Variants in CASKIN1 observed in about 807,000 individuals in gnomAD.
CASKIN1 encodes caskin-1.
A neutral mutation model predicts 117.5 loss-of-function variants in CASKIN1; 42 were observed. The observed-to-expected ratio is 0.36, with a 90% CI of 0.28 to 0.46. CASKIN1 has a LOEUF of 0.46. Ranked by LOEUF, CASKIN1 falls within the 20% of genes least tolerant of loss-of-function variation. CASKIN1 has a pLI of 1.00. For missense variants in CASKIN1, 2,083 were observed against 2,077.3 expected, an observed-to-expected ratio of 1.00 and a Z score of -0.05; for synonymous variants, 1,148 against 961.7, an observed-to-expected ratio of 1.19 and a Z score of -3.59.
chr16:2,180,806 T>C lies in CASKIN1; in HGVS notation c.2562A>G (p.Pro854=). 7.2e-7 allele frequency: 1 copy of C among 1,396,584 alleles called. No homozygotes were observed. Among genetic ancestry groups the C allele is most frequent in the Non-Finnish European group, 9.2e-7 (1 of 1,083,906 alleles). The allele number at this position is 1,396,584 out of a possible 1,614,324, so 86.5% of individuals were successfully genotyped here. ...GTGTGGGCACAGCCGTCGGCACGGG[T>C]GGGGGCGCAGGCCCCGGGGCAGCCG... ...VGPAAPGPAP[P]PVPTAVPTLC... Residue 854 remains proline, a synonymous_variant, in exon 18 of 20, where the codon CCA becomes CCG. Coordinates refer to ENST00000343516, the MANE Select transcript of CASKIN1 (RefSeq NM_020764.4).
rs771337346 is a variant in CASKIN1, at chr16:2,180,017, C to G, written c.3351G>C (p.Lys1117Asn). ...EAGVEGPPLA[K>N]VEASATLKRR... ...TCTTGAGTGTGGCGCTGGCTTCCAC[C>G]TTGGCCAAGGGCGGGCCTTCGACAC... Residue 1117 changes from lysine (K) to asparagine (N), a missense_variant, in exon 18 of 20, where the codon AAG becomes AAC. This residue lies in a region of CASKIN1 where 1,818 missense variants were observed against 1,688.9 expected (regional missense o/e 1.08). Transcript: ENST00000343516. 6.3e-7 allele frequency: 1 copy of G among 1,597,602 alleles called. No homozygotes were observed. The highest frequency in any genetic ancestry group is 1.1e-5 in the South Asian group (1 of 89,232).
chr16:2,187,729 C>G (rs2093189090), intron 6 of CASKIN1, among the ~76,000 whole-genome samples: 1 of 152,208 alleles, frequency 6.6e-6, no homozygotes, highest in African/African-American at 2.4e-5. Context: ...TCAAGCGATT[C>G]TCCTGCCTCA....
At chr16:2,188,576 C>T (rs2093191688) in intron 6 of CASKIN1, among the ~76,000 whole-genome samples, 1 of 152,128 alleles carries the variant, frequency 6.6e-6, no homozygotes, top group African/African-American at 2.4e-5. Context: ...GTCTCGAACT[C>T]CTGGCCTCAA....
At position 2,196,412 on chromosome 16, in the gene CASKIN1, C is replaced by T; in HGVS notation, c.21G>A (p.Leu7=). 1 of 1,359,220 alleles carries T rather than the reference C, an allele frequency of 7.4e-7. No individual in the cohort carries two copies. Among genetic ancestry groups the T allele is most frequent in the East Asian group, 3.9e-5 (1 of 25,950 alleles). The allele number at this position is 1,359,220 out of a possible 1,614,324, so 84.2% of individuals were successfully genotyped here. A position where few individuals can be genotyped will look rare whatever the true frequency, so the allele number is the denominator to read the frequency against. Residue 7 remains leucine, a synonymous_variant, in exon 1 of 20, where the codon CTG becomes CTA. Coordinates refer to ENST00000343516, the MANE Select transcript of CASKIN1 (RefSeq NM_020764.4). The surrounding 1 kb of genome is among the most constrained non-coding windows in gnomAD (Gnocchi z 5.7). ...CGTCCTCCGCCTTCACCGCCTGCAC[C>T]AGCTCCTGCTCCTTCCCCATGGCGC... MGKEQE[L]VQAVKAEDVG...
intron 6 of CASKIN1, among the ~76,000 whole-genome samples, chr16:2,188,166 T>A (rs988434608): frequency 4.7e-5 from 7 of 150,152 alleles, no homozygotes; most frequent in Middle Eastern, 3.3e-3. Context: ...TTGCAGCATT[T>A]TGAACCACCG....
At chr16:2,185,504 G>C (rs2093181381) in intron 10 of CASKIN1, 96 bp from the exon 11 acceptor site, 2 of 1,022,328 alleles carry the variant, frequency 2.0e-6, no homozygotes, top group Non-Finnish European at 2.8e-6. Flanking sequence ...CACAGCCGGG[G>C]GTCCTCTCTG....
At position 2,196,210 on chromosome 16, in the gene CASKIN1, C is replaced by T; in HGVS notation, c.94+129G>A. On this transcript the variant is annotated intron_variant, in intron 1 of 19. Coordinates refer to ENST00000343516, the MANE Select transcript of CASKIN1 (RefSeq NM_020764.4). The surrounding 1 kb of genome is among the most constrained non-coding windows in gnomAD (Gnocchi z 5.7). ...GGAGGGCACGGACCAAGGGTCTGGG[C>T]GCTGCTGGCCCCGCCCCGCCCCCGG... The T allele has an allele frequency of 3.8e-6, 1 of 264,320 alleles. No homozygotes were observed. The highest frequency in any genetic ancestry group is 5.6e-5 in the Admixed American group (1 of 17,886). 16.4% of individuals were successfully genotyped at this position (264,320 alleles called of 1,614,324 possible).
At position 2,181,018 on chromosome 16, in the gene CASKIN1, G is replaced by C. The variant is rs781666454; in HGVS notation, c.2350C>G (p.Arg784Gly). 6.7e-6 allele frequency: 10 copies of C among 1,485,072 alleles called. No individual in the cohort carries two copies. The African/African-American group carries it at 1.2e-4, about 17-fold the overall frequency. The allele number at this position is 1,485,072 out of a possible 1,614,324, so 92.0% of individuals were successfully genotyped here. The change falls in exon 18 of 20, where the codon CGA becomes GGA. Residue 784 changes from arginine (R) to glycine (G), a missense_variant. Transcript: ENST00000343516. ...CCAAGGGCCTGGGGAGAGCCTGGTC[G>C]GGTTTTGGTGGGCGTCTGGGGGGGC... is the stretch of plus-strand genomic sequence containing the variant. ...FTPPQTPTKT[R>G]PGSPQALGGP... is the part of the protein sequence containing the mutation.
In CASKIN1 at chr16:2,178,757, G is replaced by A. The variant is rs977508877; in HGVS notation, c.4200-111C>T. On this transcript the variant is annotated intron_variant, in intron 19 of 19. Coordinates refer to ENST00000343516, the MANE Select transcript of CASKIN1 (RefSeq NM_020764.4). ...CTCCGTCGGCTTCCGCCTACCGCAC[G>A]ACGACCTCGGCGGAGCCCCGCTCAC... 39 of 1,334,950 alleles carry A rather than the reference G, an allele frequency of 2.9e-5. No individual in the cohort carries two copies. In the Admixed American group the frequency reaches 4.6e-4, roughly 16 times the overall value. The allele number at this position is 1,334,950 out of a possible 1,614,324, so 82.7% of individuals were successfully genotyped here. A position where few individuals can be genotyped will look rare whatever the true frequency, so the allele number is the denominator to read the frequency against.
At position 2,180,367 on chromosome 16, in the gene CASKIN1, C is replaced by A; in HGVS notation, c.3001G>T (p.Val1001Leu). The A allele has an allele frequency of 6.3e-7, 1 of 1,594,240 alleles. No homozygotes were observed. ...TCCAGCATGGCCGCGATGCTCTTCA[C>A]ACTGCCGGCACTACCCGTGTCCACG... is the stretch of plus-strand genomic sequence containing the variant. ...GSVDTGSAGS[V>L]KSIAAMLELS... is the part of the protein sequence containing the mutation. The change falls in exon 18 of 20, where the codon GTG becomes TTG. Residue 1001 changes from valine to leucine, a missense_variant. This residue lies in a region of CASKIN1 where 1,818 missense variants were observed against 1,688.9 expected (regional missense o/e 1.08). Transcript: ENST00000343516.
intron 4 of CASKIN1, 37 bp from the exon 5 acceptor site, chr16:2,189,370 C>T (rs1326414425): frequency 1.2e-6 from 2 of 1,611,394 alleles, no homozygotes; most frequent in Admixed American, 1.7e-5. Context: ...CGCACATCCT[C>T]AGGCCGCGCT....
chr16:2,181,670 G>A (rs2093168628), intron 17 of CASKIN1, 71 bp from the exon 18 acceptor site: 1 of 1,453,734 alleles, frequency 6.9e-7, no homozygotes, highest in Non-Finnish European at 9.2e-7. Flanking sequence ...TAGGGGCGGG[G>A]CTGGGCTGGG....
At chr16:2,188,670 G>T (rs1212796519) in intron 6 of CASKIN1, among the ~76,000 whole-genome samples, 1 of 152,170 alleles carries the variant, frequency 6.6e-6, no homozygotes, top group African/African-American at 2.4e-5. Flanking sequence ...GAGCACTGTT[G>T]AAGGGCCCTC....
At position 2,181,710 on chromosome 16, in the gene CASKIN1, G is replaced by A. The variant is rs547233393; in HGVS notation, c.1768+81C>T. 47 of 1,502,944 alleles carry A rather than the reference G, an allele frequency of 3.1e-5. No homozygotes were observed. The East Asian group carries it at 9.1e-4, about 29-fold the overall frequency. The allele number at this position is 1,502,944 out of a possible 1,614,324, so 93.1% of individuals were successfully genotyped here. Reference sequence around the variant, plus strand: ...GGGCCCAGCTTGGGGCTGGGGCGGGGCTGGGGCTGGGCTGGTGGCTGGTGG... The same window carrying A: ...GGGCCCAGCTTGGGGCTGGGGCGGGACTGGGGCTGGGCTGGTGGCTGGTGG... On this transcript the variant is annotated intron_variant, in intron 17 of 19. Coordinates refer to ENST00000343516, the MANE Select transcript of CASKIN1 (RefSeq NM_020764.4).
rs1370017600 is a variant in CASKIN1 at position 2,184,847 on chromosome 16, G to A, written c.1346C>T (p.Pro449Leu). 3.2e-6 allele frequency: 5 copies of A among 1,563,426 alleles called. No homozygotes were observed. In the South Asian group the frequency reaches 4.7e-5, roughly 15 times the overall value. Residue 449 changes from proline to leucine, a missense_variant, in exon 14 of 20, where the codon CCA becomes CTA. This residue lies in a region of CASKIN1 where 1,818 missense variants were observed against 1,688.9 expected (regional missense o/e 1.08). Transcript: ENST00000343516. ...GSAGVARSQP[P>L]VAHAGQVYGE... ...ATAGACCTGCCCGGCGTGGGCCACT[G>A]GAGGCTGGGACCGGGCCACACCTGA...
In CASKIN1 at chr16:2,189,120, G is replaced by A. The variant is rs758552515; in HGVS notation, c.524C>T (p.Ala175Val). The A allele has an allele frequency of 3.7e-6, 6 of 1,613,370 alleles. No individual in the cohort carries two copies. The highest frequency in any genetic ancestry group is 2.2e-5 in the East Asian group (1 of 44,874). Residue 175 changes from alanine to valine, a missense_variant, in exon 6 of 20, where the codon GCG (alanine) becomes GTG (valine). By Grantham distance (64) the Ala-to-Val change is moderately conservative (BLOSUM62 0). This residue lies in a region of CASKIN1 where 203 missense variants were observed against 338.7 expected (regional missense o/e 0.60). Coordinates refer to ENST00000343516, the MANE Select transcript of CASKIN1 (RefSeq NM_020764.4). The part of the protein sequence containing the change: ...QLLLSSNMCA[A>V]LLEPRPGDAT... ...GTCTCCCGGCCGGGGCTCCAGCAGC[G>A]CCGCACACATATTGCTGCTGAGGAG...
chr16:2,184,118 C>T (rs1053271613), intron 14 of CASKIN1, among the ~76,000 whole-genome samples, 177 bp from the exon 15 acceptor site: 17 of 151,642 alleles, frequency 1.1e-4, no homozygotes, highest in African/African-American at 3.4e-4. Context: ...TCCGCGGTCC[C>T]GGAGGCGCCT....
Position 2,179,477 on chromosome 16 carries a change from G to GTTCCCACCCCACC in CASKIN1, c.3775+103_3775+115dup. 7.2e-7 allele frequency: 1 copy of GTTCCCACCCCACC among 1,388,910 alleles called. No individual in the cohort carries two copies. Among genetic ancestry groups the GTTCCCACCCCACC allele is most frequent in the Non-Finnish European group, 9.3e-7 (1 of 1,071,670 alleles). The allele number at this position is 1,388,910 out of a possible 1,614,324, so 86.0% of individuals were successfully genotyped here. On this transcript the variant is annotated intron_variant, in intron 18 of 19. Transcript: ENST00000343516. This position sits in a 1 kb window ranked among gnomAD's most constrained non-coding sequence, Gnocchi z 5.8. Reference sequence around the variant, plus strand: ...GATGGATGAGAGGGTCTGGGGACACGTTCCCACCCCACCTGGGCTTCCATC... The same window carrying GTTCCCACCCCACC: ...GATGGATGAGAGGGTCTGGGGACACGTTCCCACCCCACCTTCCCACCCCACCTGGGCTTCCATC...
intron 12 of CASKIN1, 21 bp from the exon 13 acceptor site, chr16:2,185,056 C>T (rs752734942): frequency 6.2e-7 from 1 of 1,606,912 alleles, no homozygotes; most frequent in South Asian, 1.1e-5. Context: ...GAAACCCCGG[C>T]TTGTCACCTG....
Sources: gnomAD v4.1 joint callset for allele counts (sites outside exome capture counted in the v4.1 genomes callset) on GRCh38, gnomAD v4.1.1 for gene constraint, gnomAD v4.1.1 regional missense constraint, Gnocchi (gnomAD v3.1) non-coding constraint, MANE v1.5 for transcripts, NCBI Gene and HGNC (gene_info 2026-07-23, HGNC 2026-07-21) for gene names.